CDKN1B: variants seen among roughly 807,000 people sequenced by gnomAD.
The protein encoded by CDKN1B is cyclin-dependent kinase inhibitor 1B.
In CDKN1B, 7 loss-of-function variants were observed where a neutral mutation model predicts 17.1. That is an observed-to-expected ratio of 0.41 (90% CI 0.23 to 0.77). CDKN1B has a LOEUF of 0.77. Among genes scored for constraint, CDKN1B ranks in the 30% least tolerant of loss-of-function variants. The pLI is 0.33. For synonymous variants in CDKN1B, 149 were observed against 104.3 expected (o/e 1.43, Z -2.61); for missense variants, 337 against 262.0 (o/e 1.29, Z -1.98).
At position 12,718,287 on chromosome 12, in the gene CDKN1B, G is replaced by A. The variant is rs1592281257; in HGVS notation, c.448G>A (p.Gly150Arg). ...SQTGLAEQCA[G>R]IRKRPATDDS... is the part of the protein sequence containing the mutation. ...GACGGGGTTAGCGGAGCAATGCGCAGGAATAAGGAAGCGACCTGCAACCGA... is the reference window on the plus strand; with the variant it reads ...GACGGGGTTAGCGGAGCAATGCGCAAGAATAAGGAAGCGACCTGCAACCGA... Residue 150 changes from glycine to arginine, a missense_variant, in exon 1 of 3, where the codon GGA becomes AGA. Transcript: ENST00000228872. 1 of 1,605,112 alleles carries A rather than the reference G, an allele frequency of 6.2e-7. No individual in the cohort carries two copies. The highest frequency in any genetic ancestry group is 1.3e-5 in the African/African-American group (1 of 75,060).
In CDKN1B at chr12:12,718,828, C is replaced by G. The variant is rs770629019; in HGVS notation, c.479C>G (p.Ser160Cys). ...TAAAAATTTCCCCTGCGCTTAGATT[C>G]TTCTACTCAAAACAAAAGAGCCAAC... The part of the protein sequence containing the change: ...GIRKRPATDD[S>C]STQNKRANRT... Residue 160 changes from serine to cysteine, a missense_variant, in exon 2 of 3, where the codon TCT becomes TGT. Physicochemically the swap from Ser to Cys is moderately radical, Grantham distance 112. Coordinates refer to ENST00000228872, the MANE Select transcript of CDKN1B (RefSeq NM_004064.5). 6.2e-7 allele frequency: 1 copy of G among 1,613,892 alleles called. No homozygotes were observed. Among genetic ancestry groups the G allele is most frequent in the African/African-American group, 1.3e-5 (1 of 74,862 alleles).
intron 2 of CDKN1B, chr12:12,719,652 C>T (rs1200829050): frequency 1.3e-5 from 2 of 152,588 alleles, no homozygotes; most frequent in Non-Finnish European, 2.9e-5. Context: ...TGTCAGTAAG[C>T]AATCCAGGAA....
At position 12,721,123 on chromosome 12, in the gene CDKN1B, C is replaced by T. The variant is rs556751200; in HGVS notation, c.*96C>T. 6.1e-5 allele frequency: 47 copies of T among 773,330 alleles called. No homozygotes were observed. In the East Asian group the frequency reaches 7.8e-4, roughly 13 times the overall value. The allele number at this position is 773,330 out of a possible 1,614,324, so 47.9% of individuals were successfully genotyped here. A position where few individuals can be genotyped will look rare whatever the true frequency, so the allele number is the denominator to read the frequency against. On this transcript the variant is annotated 3_prime_UTR_variant, in exon 3 of 3. Transcript: ENST00000228872. Reference sequence around the variant, plus strand: ...ACATGAAAATTTTAAAAATACATATCGCTGACTTCATGGAATGGACATCCT... The same window carrying T: ...ACATGAAAATTTTAAAAATACATATTGCTGACTTCATGGAATGGACATCCT...
intron 2 of CDKN1B, chr12:12,719,318 C>G: frequency 4.4e-6 from 1 of 229,634 alleles, no homozygotes; most frequent in Non-Finnish European, 8.8e-6. Context: ...AATTAATTTC[C>G]TAGAGGTTCA....
At chr12:12,721,001 T>C in intron 2 of CDKN1B, 35 bp from the exon 3 acceptor site, 1 of 630,790 alleles carries the variant, frequency 1.6e-6, no homozygotes, top group African/African-American at 1.8e-5. Flanking sequence ...TCTAGTGCTC[T>C]TCCTTTAATT....
intron 1 of CDKN1B, 86 bp from the exon 2 acceptor site, chr12:12,718,739 C>T (rs1946508771): frequency 2.0e-6 from 3 of 1,528,276 alleles, no homozygotes; most frequent in East Asian, 2.2e-5. Flanking sequence ...GTTTTTCATC[C>T]CCTGACTATG....
rs2136356105 is a variant in CDKN1B, at chr12:12,718,151, G to A, written c.312G>A (p.Gln104=). The part of the protein sequence containing the change: ...PPKGACKVPA[Q]ESQDVSGSRP... Reference sequence around the variant, plus strand: ...AAGGTGCCTGCAAGGTGCCGGCGCAGGAGAGCCAGGATGTCAGCGGGAGCC... The same window carrying A: ...AAGGTGCCTGCAAGGTGCCGGCGCAAGAGAGCCAGGATGTCAGCGGGAGCC... Residue 104 remains glutamine, a synonymous_variant, in exon 1 of 3, where the codon CAG becomes CAA. Coordinates refer to ENST00000228872, the MANE Select transcript of CDKN1B (RefSeq NM_004064.5). 1 of 1,613,996 alleles carries A rather than the reference G, an allele frequency of 6.2e-7. No homozygotes were observed. The highest frequency in any genetic ancestry group is 1.1e-5 in the South Asian group (1 of 91,086).
At position 12,717,859 on chromosome 12, in the gene CDKN1B, C is replaced by G. The variant is rs368157535; in HGVS notation, c.20C>G (p.Ser7Cys). ...AGAAAGATGTCAAACGTGCGAGTGTCTAACGGGAGCCCTAGCCTGGAGCGG... is the reference window on the plus strand; with the variant it reads ...AGAAAGATGTCAAACGTGCGAGTGTGTAACGGGAGCCCTAGCCTGGAGCGG... MSNVRV[S>C]NGSPSLERMD... is the part of the protein sequence containing the mutation. Residue 7 changes from serine (S) to cysteine (C), a missense_variant, in exon 1 of 3, where the codon TCT becomes TGT. Physicochemically the swap from Ser to Cys is moderately radical, Grantham distance 112. Transcript: ENST00000228872. The G allele has an allele frequency of 5.0e-6, 8 of 1,613,480 alleles. No homozygotes were observed. Among genetic ancestry groups the G allele is most frequent in the Non-Finnish European group, 5.9e-6 (7 of 1,180,046 alleles).
At chr12:12,719,754 TA>T (rs1029934665) in intron 2 of CDKN1B, among the ~76,000 whole-genome samples, 2 of 152,230 alleles carry the variant, frequency 1.3e-5, no homozygotes, top group Admixed American at 1.3e-4. Context: ...CTGGTGACCG[TA>T]GGTCAGCCCA....
chr12:12,717,859 C>T lies in CDKN1B; in HGVS notation c.20C>T (p.Ser7Phe). Reference protein sequence around the residue: MSNVRVSNGSPSLERMD... With the variant: MSNVRVFNGSPSLERMD... ...AGAAAGATGTCAAACGTGCGAGTGT[C>T]TAACGGGAGCCCTAGCCTGGAGCGG... is the stretch of plus-strand genomic sequence containing the variant. The change falls in exon 1 of 3, where the codon TCT becomes TTT. Residue 7 changes from serine (S) to phenylalanine (F), a missense_variant. Transcript: ENST00000228872. The T allele has an allele frequency of 6.2e-7, 1 of 1,613,598 alleles. No homozygotes were observed. The highest frequency in any genetic ancestry group is 8.5e-7 in the Non-Finnish European group (1 of 1,180,038).
rs748735564 is a variant in CDKN1B at position 12,721,246 on chromosome 12, AG to A, written c.*221del. 2.0e-6 allele frequency: 1 copy of A among 506,820 alleles called. No homozygotes were observed. The highest frequency in any genetic ancestry group is 3.9e-6 in the Non-Finnish European group (1 of 259,200). 31.4% of individuals were successfully genotyped at this position (506,820 alleles called of 1,614,324 possible). A position where few individuals can be genotyped will look rare whatever the true frequency, so the allele number is the denominator to read the frequency against. ...GCGTTGGATGTAGCATTATGCAATTAGGTTTTTCCTTATTTGCTTCATTGTA... is the reference window on the plus strand; with the variant it reads ...GCGTTGGATGTAGCATTATGCAATTAGTTTTTCCTTATTTGCTTCATTGTA... On this transcript the variant is annotated 3_prime_UTR_variant, in exon 3 of 3. Transcript: ENST00000228872.
rs1026031750 is a variant in CDKN1B, at chr12:12,719,072, T to TA, written c.*8+118_*8+119insA. On this transcript the variant is annotated intron_variant, in intron 2 of 2. Transcript: ENST00000228872. ...TATGGGGTTTTGTTTTGTTTATACT[T>TA]CGTGAGGTCAAAAAAGTAGCAATGG... The TA allele has an allele frequency of 6.0e-6, 8 of 1,324,276 alleles. No individual in the cohort carries two copies. The Middle Eastern group carries it at 7.8e-4, about 129-fold the overall frequency. The allele number at this position is 1,324,276 out of a possible 1,614,324, so 82.0% of individuals were successfully genotyped here. A position where few individuals can be genotyped will look rare whatever the true frequency, so the allele number is the denominator to read the frequency against.
rs1158716077 is a variant in CDKN1B at position 12,718,082 on chromosome 12, G to C, written c.243G>C (p.Lys81Asn). 3.1e-6 allele frequency: 5 copies of C among 1,614,106 alleles called. No homozygotes were observed. Among genetic ancestry groups the C allele is most frequent in the Non-Finnish European group, 3.4e-6 (4 of 1,180,054 alleles). ...AGTACGAGTGGCAAGAGGTGGAGAA[G>C]GGCAGCTTGCCCGAGTTCTACTACA... ...EGKYEWQEVEKGSLPEFYYRP... is the reference protein window; with the variant it reads ...EGKYEWQEVENGSLPEFYYRP... Residue 81 changes from lysine to asparagine, a missense_variant, in exon 1 of 3, where the codon AAG becomes AAC. Coordinates refer to ENST00000228872, the MANE Select transcript of CDKN1B (RefSeq NM_004064.5).
chr12:12,720,845 A>G (rs1946534970), intron 2 of CDKN1B, among the ~76,000 whole-genome samples, 191 bp from the exon 3 acceptor site: 1 of 152,218 alleles, frequency 6.6e-6, no homozygotes, highest in East Asian at 1.9e-4. Context: ...TAGACCAAAG[A>G]ACACAGCACA....
At position 12,717,667 on chromosome 12, in the gene CDKN1B, C is replaced by G. The variant is rs1592280524; in HGVS notation, c.-173C>G. ...GGCCGGGCCGGGGCTTCCCCGCAGC[C>G]CCTGCGCGCTCCTAGAGCTCGGGCC... On this transcript the variant is annotated 5_prime_UTR_variant, in exon 1 of 3. Coordinates refer to ENST00000228872, the MANE Select transcript of CDKN1B (RefSeq NM_004064.5). 3 of 1,502,378 alleles carry G rather than the reference C, an allele frequency of 2.0e-6. No individual in the cohort carries two copies. The highest frequency in any genetic ancestry group is 1.3e-5 in the South Asian group (1 of 79,550). 93.1% of individuals were successfully genotyped at this position (1,502,378 alleles called of 1,614,324 possible).
At chr12:12,719,268 G>C in intron 2 of CDKN1B, 1 of 348,060 alleles carries the variant, frequency 2.9e-6, no homozygotes, top group African/African-American at 2.1e-5. Flanking sequence ...TTGCCCATCC[G>C]AACAAGAACT....
chr12:12,719,141 G>A (rs1406888890), intron 2 of CDKN1B, 187 bp downstream of exon 2: 2 of 670,270 alleles, frequency 3.0e-6, no homozygotes, highest in Non-Finnish European at 5.0e-6. Context: ...TCTATGCCCA[G>A]AGATACTTTC....
rs1290621434 is a variant in CDKN1B, at chr12:12,721,148, T to A, written c.*121T>A. On this transcript the variant is annotated 3_prime_UTR_variant, in exon 3 of 3. Transcript: ENST00000228872. The stretch of plus-strand genomic sequence containing the variant: ...CGCTGACTTCATGGAATGGACATCC[T>A]GTATAAGCACTGAAAAACAACAACA... The A allele has an allele frequency of 3.9e-6, 3 of 775,736 alleles. No individual in the cohort carries two copies. Among genetic ancestry groups the A allele is most frequent in the Non-Finnish European group, 4.8e-6 (2 of 416,148 alleles). The allele number at this position is 775,736 out of a possible 1,614,324, so 48.1% of individuals were successfully genotyped here.
At position 12,717,881 on chromosome 12, in the gene CDKN1B, G is replaced by A. The variant is rs747456770; in HGVS notation, c.42G>A (p.Glu14=). 7 of 1,614,004 alleles carry A rather than the reference G, an allele frequency of 4.3e-6. No individual in the cohort carries two copies. In the Admixed American group the frequency reaches 8.3e-5, roughly 19 times the overall value. Residue 14 remains glutamate, a synonymous_variant, in exon 1 of 3, where the codon GAG becomes GAA. Transcript: ENST00000228872. ...TGTCTAACGGGAGCCCTAGCCTGGA[G>A]CGGATGGACGCCAGGCAGGCGGAGC... ...VRVSNGSPSL[E]RMDARQAEHP...
Sources: gnomAD v4.1 joint callset for allele counts (sites outside exome capture counted in the v4.1 genomes callset) on GRCh38, gnomAD v4.1.1 for gene constraint, MANE v1.5 for transcripts, NCBI Gene and HGNC (gene_info 2026-07-23, HGNC 2026-07-21) for gene names.